NAALADL2: variants seen among roughly 807,000 people sequenced by gnomAD.
NAALADL2 encodes inactive N-acetylated-alpha-linked acidic dipeptidase-like protein 2.
NAALADL2 carries 76 observed loss-of-function variants against 87.2 expected under a neutral mutation model. The observed-to-expected ratio is 0.87, with a 90% CI of 0.72 to 1.05. NAALADL2 has a LOEUF of 1.05. Ranked by LOEUF, NAALADL2 falls within the 50% of genes least tolerant of loss-of-function variation. The pLI is 0.00. For synonymous variants in NAALADL2, 354 were observed against 331.0 expected, an observed-to-expected ratio of 1.07 and a Z score of -0.75; for missense variants, 1,089 against 945.8, an observed-to-expected ratio of 1.15 and a Z score of -1.99.
intron 2 of NAALADL2, among the ~76,000 whole-genome samples, chr3:174,716,333 T>TG (rs58422080): frequency 0.26 from 38,936 of 151,772 alleles, 5,607 homozygotes; most frequent in East Asian, 0.41. Context: ...TCATTGTATT[T>TG]TTTGCTTATT....
At chr3:175,301,536 A>G (rs1306247120) in intron 4 of NAALADL2, among the ~76,000 whole-genome samples, 4 of 152,212 alleles carry the variant, frequency 2.6e-5, no homozygotes, top group Admixed American at 2.6e-4. Flanking sequence ...TGATTCACTG[A>G]ATATGAAAAC....
chr3:174,848,474 G>A (rs1579189481), intron 3 of NAALADL2, among the ~76,000 whole-genome samples: 2 of 152,252 alleles, frequency 1.3e-5, no homozygotes, highest in East Asian at 1.9e-4. Flanking sequence ...AATAGGTGAT[G>A]TGGTTGAATA....
intron 2 of NAALADL2, among the ~76,000 whole-genome samples, chr3:174,647,112 T>C (rs1303608937): frequency 6.6e-6 from 1 of 152,196 alleles, no homozygotes; most frequent in Admixed American, 6.5e-5. Flanking sequence ...TTTATATATA[T>C]GGATTTTAGA....
chr3:174,882,727 ATG>A (rs1272590407), intron 1 of NAALADL2, among the ~76,000 whole-genome samples: 8 of 147,944 alleles, frequency 5.4e-5, no homozygotes, highest in African/African-American at 2.0e-4. Context: ...ATATGTGTAT[ATG>A]TGTATCTATG....
intron 2 of NAALADL2, among the ~76,000 whole-genome samples, chr3:174,636,811 A>T (rs1207780588): frequency 6.6e-6 from 1 of 152,164 alleles, no homozygotes; most frequent in Non-Finnish European, 1.5e-5. Context: ...CAGAAATCCT[A>T]CTACTAGGTA....
intron 9 of NAALADL2, among the ~76,000 whole-genome samples, chr3:175,504,259 A>C (rs1215508199): frequency 1.3e-5 from 2 of 152,176 alleles, no homozygotes; most frequent in African/African-American, 2.4e-5. Context: ...TTTGTCAAAG[A>C]GGGCACTTCA....
At chr3:175,732,693 C>G (rs1743937269) in intron 11 of NAALADL2, among the ~76,000 whole-genome samples, 2 of 152,050 alleles carry the variant, frequency 1.3e-5, no homozygotes, top group Non-Finnish European at 2.9e-5. Flanking sequence ...CCTTGAGGCT[C>G]TTTCTTTAGC....
At chr3:175,403,323 G>A (rs1226973638) in intron 5 of NAALADL2, among the ~76,000 whole-genome samples, 1 of 151,876 alleles carries the variant, frequency 6.6e-6, no homozygotes, top group Non-Finnish European at 1.5e-5. Flanking sequence ...GAAGTGAATT[G>A]TCCCTTGGAA....
chr3:175,437,436 C>T (rs1207400205), intron 5 of NAALADL2, among the ~76,000 whole-genome samples: 7 of 141,432 alleles, frequency 4.9e-5, no homozygotes, highest in Non-Finnish European at 9.2e-5. Context: ...AACCACTGCT[C>T]AAGGAAATAA....
At chr3:174,668,077 T>C (rs1214594675) in intron 2 of NAALADL2, among the ~76,000 whole-genome samples, 3 of 152,156 alleles carry the variant, frequency 2.0e-5, no homozygotes, top group Non-Finnish European at 2.9e-5. Flanking sequence ...TGTGAGGTGA[T>C]ATCTTCTTAT....
chr3:175,613,633 A>G (rs1724960226), intron 10 of NAALADL2, among the ~76,000 whole-genome samples: 1 of 152,162 alleles, frequency 6.6e-6, no homozygotes, highest in South Asian at 2.1e-4. Context: ...GCTATTGTCT[A>G]TAGTATAGAC....
At chr3:174,521,112 A>G (rs558495790) in intron 1 of NAALADL2, among the ~76,000 whole-genome samples, 4 of 152,188 alleles carry the variant, frequency 2.6e-5, no homozygotes, top group Non-Finnish European at 4.4e-5. Context: ...AGATGTCTCA[A>G]AGAACTAAAA....
intron 5 of NAALADL2, among the ~76,000 whole-genome samples, chr3:175,435,066 A>AT (rs1438007307): frequency 6.6e-6 from 1 of 151,946 alleles, no homozygotes; most frequent in Non-Finnish European, 1.5e-5. Context: ...CATATATACA[A>AT]TTTTTTCTCT....
At chr3:174,501,059 A>G (rs567263082) in intron 1 of NAALADL2, among the ~76,000 whole-genome samples, 151 of 142,620 alleles carry the variant, frequency 1.1e-3, no homozygotes, top group African/African-American at 3.7e-3. Context: ...ATTTACTTAC[A>G]TAGGCATATA....
At chr3:175,080,028 C>T (rs916478058) in intron 1 of NAALADL2, among the ~76,000 whole-genome samples, 1 of 150,674 alleles carries the variant, frequency 6.6e-6, no homozygotes, top group African/African-American at 2.5e-5. Context: ...TGCAGTGGAG[C>T]GATCTCGGCT....
At chr3:174,888,746 G>T (rs1730509876) in intron 1 of NAALADL2, among the ~76,000 whole-genome samples, 1 of 152,110 alleles carries the variant, frequency 6.6e-6, no homozygotes, top group Admixed American at 6.6e-5. Context: ...TAATTATATG[G>T]TTTGTTTTGT....
At chr3:175,714,923 A>T (rs530134435) in intron 11 of NAALADL2, among the ~76,000 whole-genome samples, 1 of 152,184 alleles carries the variant, frequency 6.6e-6, no homozygotes, top group African/African-American at 2.4e-5. Flanking sequence ...TAAAACCATA[A>T]AAACCCTAGA....
intron 9 of NAALADL2, among the ~76,000 whole-genome samples, chr3:175,529,800 G>A (rs749644020): frequency 1.2e-4 from 19 of 152,288 alleles, no homozygotes; most frequent in East Asian, 7.7e-4. Context: ...TCCATGGATC[G>A]TAGTCTTGGC....
upstream of NAALADL2, among the ~76,000 whole-genome samples, chr3:174,855,872 A>G (rs1280864151): frequency 2.0e-5 from 3 of 148,454 alleles, no homozygotes; most frequent in African/African-American, 7.4e-5. Flanking sequence ...ATATATGTAT[A>G]TATACATACA....
Sources: allele counts gnomAD v4.1 joint callset (sites outside exome capture counted in the v4.1 genomes callset), GRCh38; gene constraint gnomAD v4.1.1; transcripts MANE v1.5; gene names NCBI Gene and HGNC (gene_info 2026-07-23, HGNC 2026-07-21).